SEMA6D: variants seen among roughly 807,000 people sequenced by gnomAD.
SEMA6D encodes the protein semaphorin-6D.
SEMA6D carries 35 observed loss-of-function variants against 106.6 expected under a neutral mutation model. The ratio of observed to expected loss-of-function variants is 0.33; its 90% CI spans 0.25 to 0.44. The LOEUF is 0.44. Ranked by LOEUF, SEMA6D falls within the 20% of genes least tolerant of loss-of-function variation. The pLI, the probability that SEMA6D is intolerant of heterozygous loss-of-function variation, is 1.00. For missense variants in SEMA6D, 1,185 were observed against 1,345.9 expected, an observed-to-expected ratio of 0.88 and a Z score of 1.87; for synonymous variants, 499 against 487.7, an observed-to-expected ratio of 1.02 and a Z score of -0.31.
chr15:47,746,984 G>GTATATA lies in SEMA6D; in HGVS notation c.-54-12747_-54-12742dup, dbSNP rs3985864. On this transcript the variant is annotated intron_variant, in intron 1 of 18. Coordinates refer to ENST00000536845, the MANE Select transcript of SEMA6D (RefSeq NM_001358351.3). ...ACAGTCTCCTGCTGTGTGTGTGTGT[G>GTATATA]TATATATATATATATATATTTCGAT... is the stretch of plus-strand genomic sequence containing the variant. Among the ~76,000 whole-genome samples, 883 of 122,086 alleles carry GTATATA rather than the reference G, an allele frequency of 7.2e-3. 9 individuals carry two copies. The highest frequency in any genetic ancestry group is 0.022 in the African/African-American group (826 of 37,516). The allele number at this position is 122,086 out of a possible 152,430, so 80.1% of individuals were successfully genotyped here.
chr15:47,500,424 C>T (rs1373181172), intron 3 of SEMA6D, among the ~76,000 whole-genome samples: 1 of 151,822 alleles, frequency 6.6e-6, no homozygotes, highest in Non-Finnish European at 1.5e-5. Context: ...TAATTAAGAC[C>T]ATAGTATAAT....
intron 4 of SEMA6D, among the ~76,000 whole-genome samples, chr15:47,670,833 A>G (rs187552424): frequency 6.6e-6 from 1 of 152,302 alleles, no homozygotes; most frequent in East Asian, 1.9e-4. Flanking sequence ...TCTAAGCATT[A>G]GGCAATCTTT....
intron 1 of SEMA6D, among the ~76,000 whole-genome samples, chr15:47,242,592 G>T (rs567213880): frequency 3.9e-5 from 6 of 152,170 alleles, no homozygotes; most frequent in Admixed American, 1.3e-4. Flanking sequence ...TTGAAGTTTT[G>T]TTAAATCTGC....
intron 3 of SEMA6D, among the ~76,000 whole-genome samples, chr15:47,518,131 T>C (rs982471866): frequency 1.3e-5 from 2 of 152,204 alleles, no homozygotes; most frequent in Non-Finnish European, 2.9e-5. Flanking sequence ...TTTATTTACA[T>C]TTTAAACTGG....
intron 4 of SEMA6D, among the ~76,000 whole-genome samples, chr15:47,666,420 G>A (rs990155324): frequency 2.0e-5 from 3 of 152,162 alleles, no homozygotes; most frequent in Non-Finnish European, 4.4e-5. Flanking sequence ...TGACATTGAA[G>A]GGATAATCTC....
intron 3 of SEMA6D, among the ~76,000 whole-genome samples, 183 bp from the exon 4 acceptor site, chr15:47,760,795 C>A (rs952092020): frequency 6.6e-6 from 1 of 152,150 alleles, no homozygotes; most frequent in Non-Finnish European, 1.5e-5. Flanking sequence ...TGCTCTCTGA[C>A]TACAGTGATA....
chr15:47,207,995 A>ACACGCG (rs1194263242), intron 1 of SEMA6D, among the ~76,000 whole-genome samples: 1 of 10,122 alleles, frequency 9.9e-5, no homozygotes, highest in Non-Finnish European at 2.3e-4. Flanking sequence ...GCGCGCGCGC[A>ACACGCG]CACACACACA....
At chr15:47,315,439 C>G (rs2036627886) in intron 1 of SEMA6D, among the ~76,000 whole-genome samples, 1 of 144,150 alleles carries the variant, frequency 6.9e-6, no homozygotes, top group Non-Finnish European at 1.5e-5. Flanking sequence ...TCTCTATCCT[C>G]TTCCATTAAT....
intron 3 of SEMA6D, among the ~76,000 whole-genome samples, chr15:47,482,638 G>A (rs1225587171): frequency 1.3e-5 from 2 of 152,116 alleles, no homozygotes; most frequent in Admixed American, 6.6e-5. Flanking sequence ...AGCATGAATA[G>A]GATGACATGG....
Position 47,770,858 on chromosome 15 carries a change from T to A in SEMA6D, c.2295T>A (p.Pro765=), listed in dbSNP as rs2147973544. The A allele has an allele frequency of 6.2e-7, 1 of 1,613,946 alleles. No homozygotes were observed. The highest frequency in any genetic ancestry group is 2.2e-5 in the East Asian group (1 of 44,810). The change falls in exon 19 of 19, where the codon CCT becomes CCA. Residue 765 remains proline, a synonymous_variant. Coordinates refer to ENST00000536845, the MANE Select transcript of SEMA6D (RefSeq NM_001358351.3). ...TGGTAATGGACCATCGAGGGCAACC[T>A]CCAGAGTTGGCTGCTCTTCCTACTC... is the stretch of plus-strand genomic sequence containing the variant. ...KSMVMDHRGQ[P]PELAALPTPE...
chr15:47,648,052 A>G (rs1450278192), intron 4 of SEMA6D, among the ~76,000 whole-genome samples: 2 of 152,214 alleles, frequency 1.3e-5, no homozygotes, highest in African/African-American at 4.8e-5. Flanking sequence ...TATGTAATAT[A>G]CACCCACCTG....
chr15:47,735,187 G>T (rs191055176), intron 1 of SEMA6D, among the ~76,000 whole-genome samples: 1 of 152,314 alleles, frequency 6.6e-6, no homozygotes, highest in East Asian at 1.9e-4. Context: ...CAGCCCTCTG[G>T]CATGGGCACT....
At chr15:47,503,481 C>T (rs530523472) in intron 3 of SEMA6D, among the ~76,000 whole-genome samples, 11 of 152,264 alleles carry the variant, frequency 7.2e-5, no homozygotes, top group African/African-American at 2.2e-4. Context: ...ATGGGCTGGT[C>T]GCAGTTCCAT....
intron 3 of SEMA6D, among the ~76,000 whole-genome samples, chr15:47,487,767 T>C (rs745712479): frequency 7.2e-5 from 11 of 152,272 alleles, no homozygotes; most frequent in Admixed American, 5.2e-4. Flanking sequence ...TACAGATGCT[T>C]CTGTATGCAC....
At chr15:47,443,048 A>G (rs2041928903) in intron 2 of SEMA6D, among the ~76,000 whole-genome samples, 3 of 152,130 alleles carry the variant, frequency 2.0e-5, no homozygotes, top group African/African-American at 7.2e-5. Context: ...CCAACTAGAA[A>G]ATTAGCCTTC....
intron 1 of SEMA6D, among the ~76,000 whole-genome samples, chr15:47,746,036 G>A (rs1044821507): frequency 6.6e-6 from 1 of 152,132 alleles, no homozygotes; most frequent in Non-Finnish European, 1.5e-5. Flanking sequence ...CTTTCTCTAC[G>A]TTTGTTAGAG....
At chr15:47,367,692 G>GCGCGCGCGCGCGCA (rs1219759915) in intron 1 of SEMA6D, among the ~76,000 whole-genome samples, 1 of 73,408 alleles carries the variant, frequency 1.4e-5, no homozygotes, top group Non-Finnish European at 3.3e-5. Flanking sequence ...GCGCGCGCGC[G>GCGCGCGCGCGCGCA]CACACACACA....
chr15:47,228,350 G>A (rs2031953912), intron 1 of SEMA6D, among the ~76,000 whole-genome samples: 1 of 151,794 alleles, frequency 6.6e-6, no homozygotes, highest in African/African-American at 2.4e-5. Flanking sequence ...CAAGTTTACT[G>A]CTTATTTCTT....
intron 1 of SEMA6D, among the ~76,000 whole-genome samples, chr15:47,338,601 A>G (rs903536841): frequency 6.6e-6 from 1 of 152,244 alleles, no homozygotes. Flanking sequence ...GAGTAGCCTC[A>G]CCCTGGGAGA....
Sources: allele counts gnomAD v4.1 joint callset (sites outside exome capture counted in the v4.1 genomes callset), GRCh38; gene constraint gnomAD v4.1.1; transcripts MANE v1.5; gene names NCBI Gene and HGNC (gene_info 2026-07-23, HGNC 2026-07-21).